Variants in IGDCC3 observed in about 807,000 individuals in gnomAD.
The protein encoded by IGDCC3 is putative neuronal cell adhesion molecule.
In IGDCC3, 47 loss-of-function variants were observed where a neutral mutation model predicts 72.0. The observed-to-expected ratio is 0.65, with a 90% confidence interval of 0.52 to 0.83. IGDCC3 has a LOEUF of 0.83. Ranked by LOEUF, IGDCC3 falls within the 40% of genes least tolerant of loss-of-function variation. IGDCC3 has a pLI of 0.00. For missense variants in IGDCC3, 1,038 were observed against 1,091.3 expected, an observed-to-expected ratio of 0.95 and a Z score of 0.69; for synonymous variants, 477 against 472.8, an observed-to-expected ratio of 1.01 and a Z score of -0.11.
chr15:65,335,973 GTA>G lies in IGDCC3; in HGVS notation c.410-19_410-18del. 6.2e-7 allele frequency: 1 copy of G among 1,613,888 alleles called. No individual in the cohort carries two copies. The highest frequency in any genetic ancestry group is 8.5e-7 in the Non-Finnish European group (1 of 1,179,830). Reference sequence around the variant, plus strand: ...CCGACATGGCTGGGGGAAGAGAAGTGTATGAGTGCAGTGCGCTGCTGAGGGCA... The same window carrying G: ...CCGACATGGCTGGGGGAAGAGAAGTGTGAGTGCAGTGCGCTGCTGAGGGCA... On this transcript the variant is annotated intron_variant, in intron 2 of 13. Transcript: ENST00000327987.
rs747365099 is a variant in IGDCC3, at chr15:65,375,156, C to T, written c.350G>A (p.Cys117Tyr). 6.2e-7 allele frequency: 1 copy of T among 1,614,218 alleles called. No individual in the cohort carries two copies. The highest frequency in any genetic ancestry group is 2.2e-5 in the East Asian group (1 of 44,886). The part of the protein sequence containing the change: ...GSPSDEGDYE[C>Y]VAQNRFGLVV... ...CAGCCCAAAGCGGTTCTGGGCCACACACTCATAGTCACCTTCATCCGAAGG... is the reference window on the plus strand; with the variant it reads ...CAGCCCAAAGCGGTTCTGGGCCACATACTCATAGTCACCTTCATCCGAAGG... Residue 117 changes from cysteine to tyrosine, a missense_variant, in exon 2 of 14, where the codon TGT (cysteine) becomes TAT (tyrosine). Transcript: ENST00000327987.
At chr15:65,356,039 C>T in intron 2 of IGDCC3, 1 of 262,734 alleles carries the variant, frequency 3.8e-6, no homozygotes, top group Non-Finnish European at 7.9e-6. Flanking sequence ...GGGCCCCTCC[C>T]CGAGCCTTCT....
At chr15:65,358,870 G>A (rs942369633) in intron 2 of IGDCC3, among the ~76,000 whole-genome samples, 17 of 152,160 alleles carry the variant, frequency 1.1e-4, no homozygotes, top group African/African-American at 4.1e-4. Flanking sequence ...CTGTCACCCA[G>A]GCTGGAGTGG....
At position 65,334,733 on chromosome 15, in the gene IGDCC3, C is replaced by T. The variant is rs759630428; in HGVS notation, c.818G>A (p.Arg273His). The stretch of plus-strand genomic sequence containing the variant: ...GCTGTGGGGATGAGGCTCACCCAGG[C>T]GGCTCCAGGACACAATGGGGCGCGG... The part of the protein sequence containing the change: ...GNPRPIVSWS[R>H]LDGRPIGVEG... Residue 273 changes from arginine (R) to histidine (H), a missense_variant, in exon 5 of 14, where the codon CGC (arginine) becomes CAC (histidine). By Grantham distance (29) the Arg-to-His change is conservative (BLOSUM62 0). Coordinates refer to ENST00000327987, the MANE Select transcript of IGDCC3 (RefSeq NM_004884.4). The T allele has an allele frequency of 4.5e-6, 7 of 1,566,210 alleles. No homozygotes were observed. The highest frequency in any genetic ancestry group is 5.2e-6 in the Non-Finnish European group (6 of 1,156,228).
rs2090962204 is a variant in IGDCC3 at position 65,329,981 on chromosome 15, A to G, written c.1859-117T>C. On this transcript the variant is annotated intron_variant, in intron 11 of 13. Transcript: ENST00000327987. The surrounding 1 kb of genome is among the most constrained non-coding windows in gnomAD (Gnocchi z 4.1). ...CTCCCACTCCCAAGTGGGAGTGGGA[A>G]CATCCTTTGACTTTGCCTACAGGAC... 1 of 1,090,856 alleles carries G rather than the reference A, an allele frequency of 9.2e-7. No individual in the cohort carries two copies. Among genetic ancestry groups the G allele is most frequent in the Non-Finnish European group, 1.3e-6 (1 of 743,468 alleles). The allele number at this position is 1,090,856 out of a possible 1,614,324, so 67.6% of individuals were successfully genotyped here.
Position 65,350,319 on chromosome 15 carries a change from C to T in IGDCC3, c.410-14363G>A, listed in dbSNP as rs1246956816. Among the ~76,000 whole-genome samples the T allele has an allele frequency of 9.2e-5, 14 of 151,446 alleles. No individual in the cohort carries two copies. The Middle Eastern group carries it at 0.01, about 110-fold the overall frequency. On this transcript the variant is annotated intron_variant, in intron 2 of 13. Transcript: ENST00000327987. ...CTAATTTTTGTATTTGTAGTAGAGA[C>T]GGGGTTTCACCATATTGGCCAGGCT...
At chr15:65,342,186 A>T (rs2091087370) in intron 2 of IGDCC3, among the ~76,000 whole-genome samples, 1 of 150,988 alleles carries the variant, frequency 6.6e-6, no homozygotes, top group African/African-American at 2.4e-5. Flanking sequence ...CGGGAGTTCA[A>T]GACCAGCCTG....
intron 2 of IGDCC3, among the ~76,000 whole-genome samples, chr15:65,367,082 G>A (rs1254045333): frequency 1.3e-5 from 2 of 152,174 alleles, no homozygotes; most frequent in South Asian, 2.1e-4. Flanking sequence ...GGTGGCTCAC[G>A]CCTGTAATCC....
Position 65,343,259 on chromosome 15 carries a change from C to T in IGDCC3, c.410-7303G>A, listed in dbSNP as rs185427660. 5.9e-4 allele frequency among the ~76,000 whole-genome samples: 90 copies of T among 152,194 alleles called. No individual in the cohort carries two copies. In the Middle Eastern group the frequency reaches 0.014, roughly 23 times the overall value. ...ACTGAGAGATTGTGGAAGAGCAGGG[C>T]GGGGGGTCAGGAAGAAATGGTCGTG... On this transcript the variant is annotated intron_variant, in intron 2 of 13. Coordinates refer to ENST00000327987, the MANE Select transcript of IGDCC3 (RefSeq NM_004884.4).
Position 65,331,080 on chromosome 15 carries a change from CAG to C in IGDCC3, c.1529_1530del (p.Ser510CysfsTer6). 3 of 1,614,086 alleles carry C rather than the reference CAG, an allele frequency of 1.9e-6. No homozygotes were observed. The highest frequency in any genetic ancestry group is 2.5e-6 in the Non-Finnish European group (3 of 1,180,004). ...CCCAGGGTGCTAGCTAGGGTGGGCA[CAG>C]AGGCTGAGCTGGCCCCCCTTGGTGT... The part of the protein sequence containing the change: ...AYTPRGASSA[S>X]VPTLASTLGE... On this transcript the variant is annotated frameshift_variant, in exon 9 of 14. Coordinates refer to ENST00000327987, the MANE Select transcript of IGDCC3 (RefSeq NM_004884.4). LOFTEE classifies it high-confidence loss of function.
chr15:65,349,036 C>T (rs1055109124), intron 2 of IGDCC3, among the ~76,000 whole-genome samples: 3 of 152,166 alleles, frequency 2.0e-5, no homozygotes, highest in Non-Finnish European at 4.4e-5. Flanking sequence ...TCACTTTCCC[C>T]ACCCTGCCAC....
Position 65,335,825 on chromosome 15 carries a change from T to A in IGDCC3, c.541A>T (p.Thr181Ser), listed in dbSNP as rs142065230. The A allele has an allele frequency of 6.3e-5, 101 of 1,614,150 alleles. No individual in the cohort carries two copies. The African/African-American group carries it at 1.3e-3, about 20-fold the overall frequency. Residue 181 changes from threonine to serine, a missense_variant, in exon 3 of 14, where the codon ACG becomes TCG. Transcript: ENST00000327987. ...CACGTGGCTCACCTCTCATTGTCCG[T>A]GTCAATTGGGACTCTGTTCTTCTCC... is the stretch of plus-strand genomic sequence containing the variant. ...TWEKNRVPID[T>S]DNERYTLLPK...
rs534068032 is a variant in IGDCC3, at chr15:65,339,576, C to T, written c.410-3620G>A. Among the ~76,000 whole-genome samples, 41 of 152,332 alleles carry T rather than the reference C, an allele frequency of 2.7e-4. No homozygotes were observed. In the South Asian group the frequency reaches 8.1e-3, roughly 30 times the overall value. On this transcript the variant is annotated intron_variant, in intron 2 of 13. Transcript: ENST00000327987. The surrounding 1 kb of genome is among the most constrained non-coding windows in gnomAD (Gnocchi z 4.1). The stretch of plus-strand genomic sequence containing the variant: ...CCAGCAGGCCACAGAGCCGGGTGGA[C>T]TGTCCCTCATTATGTCTCTCTAGGG...
intron 2 of IGDCC3, among the ~76,000 whole-genome samples, chr15:65,352,454 G>A (rs972712650): frequency 1.1e-4 from 16 of 152,188 alleles, no homozygotes; most frequent in African/African-American, 3.9e-4. Flanking sequence ...TTGACTTGTA[G>A]AGCTAATAAA....
chr15:65,347,767 C>T (rs2091137112), intron 2 of IGDCC3, among the ~76,000 whole-genome samples: 1 of 152,054 alleles, frequency 6.6e-6, no homozygotes, highest in Non-Finnish European at 1.5e-5. Context: ...CCTGTCCTTA[C>T]TAAAAATATA....
Position 65,327,358 on chromosome 15 carries a change from C to T in IGDCC3, c.*1551G>A, listed in dbSNP as rs1212064630. On this transcript the variant is annotated 3_prime_UTR_variant, in exon 14 of 14. Coordinates refer to ENST00000327987, the MANE Select transcript of IGDCC3 (RefSeq NM_004884.4). ...GAGAAGGGAAGGGACTACCCTTCCC[C>T]AAGTCCACGCGGACACAGCTCTAGT... The T allele has an allele frequency of 1.3e-5, 2 of 152,228 alleles. No homozygotes were observed. The allele number at this position is 152,228 out of a possible 1,614,324, so 9.4% of individuals were successfully genotyped here.
rs904272197 is a variant in IGDCC3 at position 65,329,068 on chromosome 15, C to T, written c.2286G>A (p.Gly762=). Residue 762 remains glycine (G), a synonymous_variant, in exon 14 of 14, where the codon GGG becomes GGA. Coordinates refer to ENST00000327987, the MANE Select transcript of IGDCC3 (RefSeq NM_004884.4). This position sits in a 1 kb window ranked among gnomAD's most constrained non-coding sequence, Gnocchi z 4.1. ...CTGTGGTCTTCGCCTCCGTCGTCTT[C>T]CCCTCCATCAGGCCGCACCCCTGAA... ...LPLQGCGLME[G]KTTEAKTTEA... 10 of 1,611,596 alleles carry T rather than the reference C, an allele frequency of 6.2e-6. No homozygotes were observed. The African/African-American group carries it at 1.3e-4, about 22-fold the overall frequency.
chr15:65,353,677 C>A (rs930375831), intron 2 of IGDCC3, among the ~76,000 whole-genome samples: 1 of 152,168 alleles, frequency 6.6e-6, no homozygotes. Context: ...CCCACCAAAA[C>A]CAAAATGGCC....
chr15:65,329,298 C>A lies in IGDCC3; in HGVS notation c.2205+92G>T. The A allele has an allele frequency of 6.8e-7, 1 of 1,474,528 alleles. No individual in the cohort carries two copies. The highest frequency in any genetic ancestry group is 1.3e-5 in the South Asian group (1 of 76,880). The allele number at this position is 1,474,528 out of a possible 1,614,324, so 91.3% of individuals were successfully genotyped here. A position where few individuals can be genotyped will look rare whatever the true frequency, so the allele number is the denominator to read the frequency against. On this transcript the variant is annotated intron_variant, in intron 13 of 13. Transcript: ENST00000327987. The surrounding 1 kb of genome is among the most constrained non-coding windows in gnomAD (Gnocchi z 4.1). Reference sequence around the variant, plus strand: ...CTGCAGTTTGACTAAGGCCAATGATCGAGGCCCGTGGCCAAGGTGAAGGGG... The same window carrying A: ...CTGCAGTTTGACTAAGGCCAATGATAGAGGCCCGTGGCCAAGGTGAAGGGG...
Sources: gnomAD v4.1 joint callset for allele counts (sites outside exome capture counted in the v4.1 genomes callset) on GRCh38, gnomAD v4.1.1 for gene constraint, Gnocchi (gnomAD v3.1) non-coding constraint, MANE v1.5 for transcripts, NCBI Gene and HGNC (gene_info 2026-07-23, HGNC 2026-07-21) for gene names.